The following ZSCAN25 variants were observed in gnomAD, a reference collection of about 807,000 sequenced individuals.
ZSCAN25 encodes zinc finger and SCAN domain-containing protein 25.
Under a neutral mutation model 38.7 loss-of-function variants are expected in ZSCAN25, and 27 were observed. The observed-to-expected ratio is 0.70, with a 90% confidence interval of 0.51 to 0.96. The LOEUF (loss-of-function observed/expected upper bound fraction) is 0.96. Ranked by LOEUF, ZSCAN25 falls within the 40% of genes least tolerant of loss-of-function variation. The pLI is 0.00. For synonymous variants in ZSCAN25, 273 were observed against 277.7 expected, an observed-to-expected ratio of 0.98 and a Z score of 0.17; for missense variants, 637 against 705.9, an observed-to-expected ratio of 0.90 and a Z score of 1.11.
chr7:99,622,518 G>T (rs1281383438), intron 5 of ZSCAN25, 31 bp from the exon 6 acceptor site: 16 of 1,603,446 alleles, frequency 1.0e-5, no homozygotes, highest in Middle Eastern at 3.3e-4. Flanking sequence ...TGATCCTTCT[G>T]ATCTTTCTCA....
chr7:99,710,696 AC>A, the ZSCAN25 span: 7 of 1,613,466 alleles, frequency 4.3e-6, no homozygotes, highest in Non-Finnish European at 5.9e-6. Flanking sequence ...CTAAGGCTTC[AC>A]CTCCTCCCTC....
In ZSCAN25 at chr7:99,619,909, G is replaced by A; in HGVS notation, c.303G>A (p.Trp101Ter). 6.2e-7 allele frequency: 1 copy of A among 1,614,250 alleles called. No individual in the cohort carries two copies. The highest frequency in any genetic ancestry group is 8.5e-7 in the Non-Finnish European group (1 of 1,180,056). ...LTILPREFYA[W>*]IREHGPESGK... ...TCCTGCCCCGCGAGTTCTACGCCTGGATCCGGGAGCATGGCCCAGAGAGTG... is the reference window on the plus strand; with the variant it reads ...TCCTGCCCCGCGAGTTCTACGCCTGAATCCGGGAGCATGGCCCAGAGAGTG... The change falls in exon 4 of 8, where the codon TGG becomes TGA. Residue 101 changes from tryptophan to a stop codon, truncating the protein, a stop_gained. Transcript: ENST00000394152. LOFTEE classifies it high-confidence loss of function.
At chr7:99,617,515 A>C (rs964488472) in intron 1 of ZSCAN25, among the ~76,000 whole-genome samples, 42 of 152,130 alleles carry the variant, frequency 2.8e-4, no homozygotes, top group Non-Finnish European at 1.3e-4. Flanking sequence ...CAGGAGTTCA[A>C]GGTTGCACTG....
At chr7:99,709,243 T>C in the ZSCAN25 span, 2 of 1,613,824 alleles carry the variant, frequency 1.2e-6, no homozygotes, top group Non-Finnish European at 1.7e-6. Flanking sequence ...TGTAGCACAG[T>C]ATCATAGGTG....
the ZSCAN25 span, among the ~76,000 whole-genome samples, chr7:99,686,326 C>T: frequency 3.5e-3 from 527 of 152,266 alleles, 1 homozygote; most frequent in African/African-American, 0.012. Flanking sequence ...GCTTTTCCAA[C>T]GGGCTTAAAA....
the ZSCAN25 span, chr7:99,705,507 C>T: frequency 1.2e-6 from 2 of 1,613,508 alleles, no homozygotes; most frequent in East Asian, 2.2e-5. Flanking sequence ...AAATCAGGCT[C>T]CACTTACGGT....
At chr7:99,736,251 C>T in the ZSCAN25 span, among the ~76,000 whole-genome samples, 1 of 152,162 alleles carries the variant, frequency 6.6e-6, no homozygotes, top group Non-Finnish European at 1.5e-5. Flanking sequence ...CCCAGATGGC[C>T]AGGTTGACCC....
chr7:99,722,384 T>G, the ZSCAN25 span: 2 of 1,609,844 alleles, frequency 1.2e-6, no homozygotes, highest in Admixed American at 3.3e-5. Context: ...TCATTATTAT[T>G]TTAAGTGTAC....
chr7:99,662,792 C>T, the ZSCAN25 span: 1 of 1,604,708 alleles, frequency 6.2e-7, no homozygotes, highest in African/African-American at 1.3e-5. The surrounding 1 kb of genome is among the most constrained non-coding windows in gnomAD (Gnocchi z 4.3). Flanking sequence ...CCGCCAGTAG[C>T]CCTCAGAAGC....
At chr7:99,717,605 A>T in the ZSCAN25 span, 1 of 1,613,680 alleles carries the variant, frequency 6.2e-7, no homozygotes, top group East Asian at 2.2e-5. Context: ...AGCTATAGAG[A>T]TGGCATTTTT....
chr7:99,709,774 A>G, the ZSCAN25 span, among the ~76,000 whole-genome samples: 49 of 150,274 alleles, frequency 3.3e-4, no homozygotes, highest in African/African-American at 8.0e-4. Flanking sequence ...TATTATATAT[A>G]TGTGTGTGTG....
At chr7:99,634,555 C>T (rs55863343), downstream of ZSCAN25, among the ~76,000 whole-genome samples, 2,595 of 152,206 alleles carry the variant, frequency 0.017, 67 homozygotes, top group African/African-American at 0.057. Context: ...TTTGGGAGTC[C>T]GAGGCAGGTG....
At chr7:99,619,456 A>G in intron 3 of ZSCAN25, 105 bp from the exon 4 acceptor site, 2 of 930,120 alleles carry the variant, frequency 2.2e-6, no homozygotes, top group Non-Finnish European at 3.2e-6. Context: ...GTCTTTTGAA[A>G]ATGCCTTGTA....
At chr7:99,678,606 G>T in the ZSCAN25 span, among the ~76,000 whole-genome samples, 1 of 152,156 alleles carries the variant, frequency 6.6e-6, no homozygotes, top group African/African-American at 2.4e-5. Context: ...CACAAATACT[G>T]AACTAACAGC....
chr7:99,648,495 GC>G, the ZSCAN25 span: 2 of 764,338 alleles, frequency 2.6e-6, no homozygotes, highest in Non-Finnish European at 2.0e-6. Context: ...AAAATGCTTT[GC>G]AAGCATATAA....
chr7:99,630,280 C>T lies in ZSCAN25; in HGVS notation c.*260C>T. ...GCGGTTCAGTTCAGGCTGAGATTTTCTCCTTCAGTGGACTGTCTGTGTCCC... is the reference window on the plus strand; with the variant it reads ...GCGGTTCAGTTCAGGCTGAGATTTTTTCCTTCAGTGGACTGTCTGTGTCCC... On this transcript the variant is annotated 3_prime_UTR_variant, in exon 8 of 8. Transcript: ENST00000394152. 7.8e-7 allele frequency: 1 copy of T among 1,280,250 alleles called. No homozygotes were observed. The highest frequency in any genetic ancestry group is 9.9e-7 in the Non-Finnish European group (1 of 1,013,810). The allele number at this position is 1,280,250 out of a possible 1,614,324, so 79.3% of individuals were successfully genotyped here. A position where few individuals can be genotyped will look rare whatever the true frequency, so the allele number is the denominator to read the frequency against.
chr7:99,642,406 A>T, the ZSCAN25 span, among the ~76,000 whole-genome samples: 1 of 152,184 alleles, frequency 6.6e-6, no homozygotes, highest in African/African-American at 2.4e-5. Context: ...AATAGTCCTC[A>T]CTGTGGTCAT....
intron 7 of ZSCAN25, 79 bp downstream of exon 7, chr7:99,624,259 G>A (rs77813243): frequency 0.022 from 35,629 of 1,592,176 alleles, 493 homozygotes; most frequent in Non-Finnish European, 0.025. Flanking sequence ...TAGCTCTGGC[G>A]CTCCTGGCAA....
chr7:99,664,026 T>A, the ZSCAN25 span: 1 of 1,601,862 alleles, frequency 6.2e-7, no homozygotes, highest in Non-Finnish European at 8.5e-7. Flanking sequence ...ACTTAAAAAA[T>A]TTATGGTATC....
Sources: allele counts gnomAD v4.1 joint callset (sites outside exome capture counted in the v4.1 genomes callset), GRCh38; gene constraint gnomAD v4.1.1; non-coding constraint Gnocchi (gnomAD v3.1); transcripts MANE v1.5; gene names NCBI Gene and HGNC (gene_info 2026-07-23, HGNC 2026-07-21).